MARCHF3: variants seen among roughly 807,000 people sequenced by gnomAD.
The protein encoded by MARCHF3 is E3 ubiquitin-protein ligase MARCHF3.
A neutral mutation model predicts 24.2 loss-of-function variants in MARCHF3; 13 were observed. That is an observed-to-expected ratio of 0.54 (90% CI 0.35 to 0.85). The LOEUF (loss-of-function observed/expected upper bound fraction) is 0.85. MARCHF3 is among the 40% of genes least tolerant of loss of function. The probability of loss-of-function intolerance (pLI) is 0.01; values close to 1 mark genes in which losing one functional copy is unlikely to be tolerated. For synonymous variants in MARCHF3, 144 were observed against 137.3 expected (o/e 1.05, Z -0.34); for missense variants, 276 against 325.0 (o/e 0.85, Z 1.16).
Position 126,985,755 on chromosome 5 carries a change from G to T in MARCHF3, c.-57+44595C>A, listed in dbSNP as rs111883369. Among the ~76,000 whole-genome samples the T allele has an allele frequency of 2.0e-5, 3 of 152,122 alleles. No homozygotes were observed. In the East Asian group the frequency reaches 5.8e-4, roughly 29 times the overall value. ...CTCCCAAAGTGCTGGGATTACAGGC[G>T]TGAGCCACTGCGCCCGGCCTACCTG... On this transcript the variant is annotated intron_variant, in intron 1 of 4. Coordinates refer to ENST00000308660, the MANE Select transcript of MARCHF3 (RefSeq NM_178450.5).
At chr5:126,875,843 CAAT>C (rs1169470604) in intron 4 of MARCHF3, among the ~76,000 whole-genome samples, 11 of 152,238 alleles carry the variant, frequency 7.2e-5, no homozygotes, top group African/African-American at 1.7e-4. Flanking sequence ...TTACTCTTTG[CAAT>C]AACCGATTGA....
intron 1 of MARCHF3, among the ~76,000 whole-genome samples, chr5:127,008,469 C>T (rs961492624): frequency 6.6e-6 from 1 of 152,132 alleles, no homozygotes; most frequent in Non-Finnish European, 1.5e-5. Context: ...AACTGGGTAA[C>T]GTCAATAAGT....
At chr5:126,992,920 A>C (rs549475592) in intron 1 of MARCHF3, among the ~76,000 whole-genome samples, 2 of 152,008 alleles carry the variant, frequency 1.3e-5, no homozygotes, top group South Asian at 2.1e-4. Flanking sequence ...TACAGGCGCC[A>C]GCCACCATGC....
intron 1 of MARCHF3, among the ~76,000 whole-genome samples, chr5:126,922,172 T>C (rs1749131533): frequency 6.6e-6 from 1 of 152,200 alleles, no homozygotes; most frequent in South Asian, 2.1e-4. Flanking sequence ...GCAGCCCCTC[T>C]GCCTCAGCAG....
intron 1 of MARCHF3, among the ~76,000 whole-genome samples, chr5:126,969,289 TGA>T (rs1210415275): frequency 6.6e-6 from 1 of 152,224 alleles, no homozygotes; most frequent in East Asian, 1.9e-4. Flanking sequence ...ATATGTTGGA[TGA>T]TTGGAACTTT....
intron 3 of MARCHF3, among the ~76,000 whole-genome samples, chr5:126,910,021 A>G (rs1754462022): frequency 6.6e-6 from 1 of 152,200 alleles, no homozygotes; most frequent in South Asian, 2.1e-4. Context: ...AATTGTTCAT[A>G]CAGTTCTTAT....
chr5:126,892,769 G>T (rs959596996), intron 3 of MARCHF3, among the ~76,000 whole-genome samples: 1 of 146,054 alleles, frequency 6.8e-6, no homozygotes, highest in South Asian at 2.2e-4. Context: ...TTATGTCTCT[G>T]CCTGGCTTTC....
chr5:127,007,940 T>C (rs1752359125), intron 1 of MARCHF3, among the ~76,000 whole-genome samples: 1 of 152,172 alleles, frequency 6.6e-6, no homozygotes, highest in Non-Finnish European at 1.5e-5. Context: ...ACATGCAACA[T>C]GCTACAGACA....
chr5:126,951,992 G>A (rs1347569249), intron 1 of MARCHF3, among the ~76,000 whole-genome samples: 3 of 151,994 alleles, frequency 2.0e-5, no homozygotes, highest in African/African-American at 4.8e-5. Flanking sequence ...GATTACAGGC[G>A]CCCACCACCA....
In MARCHF3 at chr5:127,025,900, TTA is replaced by T. The variant is rs1230408940; in HGVS notation, c.-57+4448_-57+4449del. 1.6e-3 allele frequency among the ~76,000 whole-genome samples: 239 copies of T among 152,236 alleles called. 7 individuals are homozygous for T. The East Asian group carries it at 0.039, about 25-fold the overall frequency. ...AAAAGCTAAAGTGAAGGTTGGGAACTTAAGGGGGCATTTCGGAGGAGAAATGG... is the reference window on the plus strand; with the variant it reads ...AAAAGCTAAAGTGAAGGTTGGGAACTAGGGGGCATTTCGGAGGAGAAATGG... On this transcript the variant is annotated intron_variant, in intron 1 of 4. Transcript: ENST00000308660.
At chr5:126,903,636 T>C (rs988481665) in intron 3 of MARCHF3, among the ~76,000 whole-genome samples, 9 of 150,284 alleles carry the variant, frequency 6.0e-5, no homozygotes, top group African/African-American at 2.2e-4. Flanking sequence ...CTCGTGTGTG[T>C]ATATATATAT....
intron 1 of MARCHF3, among the ~76,000 whole-genome samples, chr5:126,976,478 A>G (rs996387499): frequency 4.6e-5 from 7 of 152,220 alleles, no homozygotes; most frequent in Admixed American, 6.5e-5. Flanking sequence ...GCTTCCTTGC[A>G]GAACTATCTG....
intron 1 of MARCHF3, among the ~76,000 whole-genome samples, chr5:126,981,029 C>G (rs1232585513): frequency 1.3e-5 from 2 of 152,178 alleles, no homozygotes; most frequent in African/African-American, 2.4e-5. Context: ...CACAAAGAAT[C>G]AGCCTGGTGA....
intron 1 of MARCHF3, among the ~76,000 whole-genome samples, chr5:126,952,393 G>A (rs546916011): frequency 6.6e-6 from 1 of 152,206 alleles, no homozygotes; most frequent in Non-Finnish European, 1.5e-5. Flanking sequence ...ACTCATTAAA[G>A]GGTGGTATAA....
chr5:126,969,445 A>T (rs554170896), intron 1 of MARCHF3, among the ~76,000 whole-genome samples: 1 of 152,332 alleles, frequency 6.6e-6, no homozygotes, highest in African/African-American at 2.4e-5. Flanking sequence ...AAACATGTTT[A>T]GGAGGAGCCC....
At chr5:126,928,506 C>A (rs1382582360) in intron 1 of MARCHF3, among the ~76,000 whole-genome samples, 1 of 152,116 alleles carries the variant, frequency 6.6e-6, no homozygotes, top group Non-Finnish European at 1.5e-5. Context: ...ATGTTCAATT[C>A]TCAGATAATG....
intron 3 of MARCHF3, among the ~76,000 whole-genome samples, chr5:126,882,160 C>T (rs936137432): frequency 1.3e-5 from 2 of 152,194 alleles, no homozygotes; most frequent in Non-Finnish European, 2.9e-5. Context: ...TTTAAACCAG[C>T]CTCACATGTT....
chr5:126,961,863 C>A (rs1214665543), intron 1 of MARCHF3, among the ~76,000 whole-genome samples: 1 of 152,130 alleles, frequency 6.6e-6, no homozygotes, highest in Non-Finnish European at 1.5e-5. Context: ...TTGTTTACAT[C>A]CTATAATCAC....
Position 126,878,177 on chromosome 5 carries a change from A to T in MARCHF3, c.603+8T>A, listed in dbSNP as rs767774034. The T allele has an allele frequency of 6.2e-7, 1 of 1,613,636 alleles. No individual in the cohort carries two copies. Among genetic ancestry groups the T allele is most frequent in the African/African-American group, 1.3e-5 (1 of 74,940 alleles). ...ATGGCCTGAACCCCAGCCACGGCCC[A>T]TACTTACTAGTGTCCAAAAGAGGTA... On this transcript the variant is annotated splice_region_variant and intron_variant, in intron 4 of 4. Coordinates refer to ENST00000308660, the MANE Select transcript of MARCHF3 (RefSeq NM_178450.5).
Sources: allele counts gnomAD v4.1 joint callset (sites outside exome capture counted in the v4.1 genomes callset), GRCh38; gene constraint gnomAD v4.1.1; transcripts MANE v1.5; gene names NCBI Gene and HGNC (gene_info 2026-07-23, HGNC 2026-07-21).